Variants in MRM1 observed in about 807,000 individuals in gnomAD.
The protein encoded by MRM1 is mitochondrial rRNA methyltransferase 1.
In MRM1, 24 loss-of-function variants were observed where a neutral mutation model predicts 25.0. The ratio of observed to expected loss-of-function variants is 0.96; its 90% confidence interval spans 0.69 to 1.35. MRM1 has a LOEUF of 1.35. Ranked by LOEUF, MRM1 falls within the 40% of genes most tolerant of loss-of-function variation. The pLI is 0.00. For synonymous variants in MRM1, 188 were observed against 199.2 expected (o/e 0.94, Z 0.47); for missense variants, 431 against 464.1 (o/e 0.93, Z 0.65).
the MRM1 span, among the ~76,000 whole-genome samples, chr17:36,618,965 T>C: frequency 6.6e-6 from 1 of 152,206 alleles, no homozygotes. Context: ...TCAGTAGTGT[T>C]AAGTATATTC....
chr17:36,606,891 G>A (rs1486250595), intron 2 of MRM1, among the ~76,000 whole-genome samples: 8 of 145,902 alleles, frequency 5.5e-5, no homozygotes, highest in Admixed American at 1.4e-4. Flanking sequence ...GATTACAGGC[G>A]TGAGCTACTG....
the MRM1 span, among the ~76,000 whole-genome samples, chr17:36,615,798 C>G: frequency 3.9e-5 from 6 of 152,020 alleles, no homozygotes; most frequent in Non-Finnish European, 8.8e-5. Flanking sequence ...AAGTTCAAGA[C>G]CAGCCTGGTC....
chr17:36,605,318 AT>A (rs2074919319), intron 2 of MRM1, among the ~76,000 whole-genome samples: 1 of 148,752 alleles, frequency 6.7e-6, no homozygotes. Flanking sequence ...ATCTCACCTA[AT>A]TTTTTTCTTT....
chr17:36,607,562 G>A, intron 2 of MRM1, 108 bp from the exon 3 acceptor site: 3 of 1,350,140 alleles, frequency 2.2e-6, no homozygotes, highest in Middle Eastern at 4.8e-4. Context: ...GGTTGAGGCT[G>A]CGGTGAGCTG....
chr17:36,615,008 T>C, the MRM1 span, among the ~76,000 whole-genome samples: 2 of 152,052 alleles, frequency 1.3e-5, no homozygotes, highest in Non-Finnish European at 2.9e-5. Flanking sequence ...CTTCCCCAGA[T>C]TGGGAAAGGG....
Position 36,602,010 on chromosome 17 carries a change from G to C in MRM1, c.200G>C (p.Arg67Pro), listed in dbSNP as rs765570711. 26 of 1,611,304 alleles carry C rather than the reference G, an allele frequency of 1.6e-5. No homozygotes were observed. In the Admixed American group the frequency reaches 4.3e-4, roughly 27 times the overall value. ...PCLLALQAAR[R>P]SVARLLLQAG... is the part of the protein sequence containing the mutation. ...CTCCTGGCTCTGCAGGCCGCCCGCC[G>C]CTCTGTGGCCCGGCTCCTGCTCCAG... Residue 67 changes from arginine to proline, a missense_variant, in exon 1 of 5, where the codon CGC becomes CCC. Arg to Pro is a moderately radical substitution (Grantham distance 103, BLOSUM62 -2). Coordinates refer to ENST00000614766, the MANE Select transcript of MRM1 (RefSeq NM_024864.5). This position sits in a 1 kb window ranked among gnomAD's most constrained non-coding sequence, Gnocchi z 4.1.
chr17:36,619,050 C>T, the MRM1 span, among the ~76,000 whole-genome samples: 1 of 152,188 alleles, frequency 6.6e-6, no homozygotes, highest in Non-Finnish European at 1.5e-5. Flanking sequence ...ACCGCAGCTC[C>T]CCATCCACCA....
At chr17:36,630,734 C>T in the MRM1 span, among the ~76,000 whole-genome samples, 1,140 of 152,154 alleles carry the variant, frequency 7.5e-3, 14 homozygotes, top group African/African-American at 0.026. Flanking sequence ...TCGAATGGTT[C>T]GCTAGAGACA....
chr17:36,607,759 T>C lies in MRM1; in HGVS notation c.726T>C (p.Ser242=), dbSNP rs767799136. ...AGTCCTCCGAGATCCCCATCATGAG[T>C]TGCTTGGAGTTCCTCTGGGAACGGC... ...DPQSSEIPIM[S]CLEFLWERPT... Residue 242 remains serine (S), a synonymous_variant, in exon 3 of 5, where the codon AGT becomes AGC. Coordinates refer to ENST00000614766, the MANE Select transcript of MRM1 (RefSeq NM_024864.5). 1 of 1,613,510 alleles carries C rather than the reference T, an allele frequency of 6.2e-7. No homozygotes were observed. The highest frequency in any genetic ancestry group is 1.1e-5 in the South Asian group (1 of 91,018).
At chr17:36,607,296 T>A (rs1018895803) in intron 2 of MRM1, among the ~76,000 whole-genome samples, 10 of 152,140 alleles carry the variant, frequency 6.6e-5, no homozygotes, top group Non-Finnish European at 1.2e-4. Flanking sequence ...CTTGAGCCAC[T>A]GCATACAGCC....
chr17:36,606,926 T>A (rs2074934877), intron 2 of MRM1, among the ~76,000 whole-genome samples: 3 of 145,050 alleles, frequency 2.1e-5, no homozygotes, highest in Non-Finnish European at 4.5e-5. Flanking sequence ...TTTTTTTTTT[T>A]AATTTGAGAT....
chr17:36,609,972 C>T (rs2074965550), downstream of MRM1, among the ~76,000 whole-genome samples: 1 of 152,222 alleles, frequency 6.6e-6, no homozygotes, highest in Non-Finnish European at 1.5e-5. Flanking sequence ...GTCGCTCAGG[C>T]TGGAGTGCAG....
At chr17:36,622,491 G>A in the MRM1 span, among the ~76,000 whole-genome samples, 1 of 151,176 alleles carries the variant, frequency 6.6e-6, no homozygotes, top group African/African-American at 2.4e-5. Flanking sequence ...ATAATCACTT[G>A]AACCCAGGAG....
At chr17:36,620,136 A>G in the MRM1 span, among the ~76,000 whole-genome samples, 2 of 152,036 alleles carry the variant, frequency 1.3e-5, no homozygotes, top group Non-Finnish European at 2.9e-5. Context: ...ATTCTCTCCC[A>G]TTGTGTAGGT....
the MRM1 span, among the ~76,000 whole-genome samples, chr17:36,629,915 T>A: frequency 1.3e-5 from 2 of 152,156 alleles, no homozygotes; most frequent in African/African-American, 2.4e-5. Context: ...CATGGGGGCT[T>A]GTTTACAATG....
At chr17:36,630,902 C>T in the MRM1 span, among the ~76,000 whole-genome samples, 2 of 152,110 alleles carry the variant, frequency 1.3e-5, no homozygotes, top group African/African-American at 4.8e-5. Context: ...GACTCGGGGG[C>T]CCAGGTGAAT....
At chr17:36,624,263 G>C in the MRM1 span, among the ~76,000 whole-genome samples, 1 of 151,724 alleles carries the variant, frequency 6.6e-6, no homozygotes, top group Non-Finnish European at 1.5e-5. This position sits in a 1 kb window ranked among gnomAD's most constrained non-coding sequence, Gnocchi z 4.0. Context: ...ACGGGGGAGA[G>C]GTGATCACCT....
the MRM1 span, among the ~76,000 whole-genome samples, chr17:36,619,150 T>C: frequency 6.6e-6 from 1 of 152,218 alleles, no homozygotes. Flanking sequence ...ACAGCATTTG[T>C]CTTTTTGTGA....
rs373386033 is a variant in MRM1, at chr17:36,602,613, G to A, written c.603G>A (p.Val201=). 1.2e-6 allele frequency: 2 copies of A among 1,614,084 alleles called. No homozygotes were observed. The highest frequency in any genetic ancestry group is 2.7e-5 in the African/African-American group (2 of 74,936). ...SSAGAMEVMD[V]FSTDDLTGFL... The stretch of plus-strand genomic sequence containing the variant: ...CGGGGGCTATGGAGGTGATGGACGT[G>A]TTCTCCACTGATGACCTCACCGGAT... Residue 201 remains valine (V), a synonymous_variant, in exon 2 of 5, where the codon GTG becomes GTA. Coordinates refer to ENST00000614766, the MANE Select transcript of MRM1 (RefSeq NM_024864.5). This position sits in a 1 kb window ranked among gnomAD's most constrained non-coding sequence, Gnocchi z 4.1.
Sources: allele counts gnomAD v4.1 joint callset (sites outside exome capture counted in the v4.1 genomes callset), GRCh38; gene constraint gnomAD v4.1.1; non-coding constraint Gnocchi (gnomAD v3.1); transcripts MANE v1.5; gene names NCBI Gene and HGNC (gene_info 2026-07-23, HGNC 2026-07-21).